The following TMEM135 variants were observed in gnomAD, a reference collection of about 807,000 sequenced individuals.
TMEM135 encodes the protein peroxisomal membrane protein 52.
In TMEM135, 30 loss-of-function variants were observed where a neutral mutation model predicts 60.3. That is an observed-to-expected ratio of 0.50 (90% CI 0.37 to 0.68). The LOEUF (loss-of-function observed/expected upper bound fraction) is 0.68. TMEM135 is among the 30% of genes least tolerant of loss of function. The pLI, the probability that TMEM135 is intolerant of heterozygous loss-of-function variation, is 0.00. For synonymous variants in TMEM135, 190 were observed against 186.7 expected (o/e 1.02, Z -0.14); for missense variants, 468 against 548.8 (o/e 0.85, Z 1.47).
At chr11:87,244,761 C>G (rs1941220673) in intron 6 of TMEM135, among the ~76,000 whole-genome samples, 1 of 148,204 alleles carries the variant, frequency 6.7e-6, no homozygotes. Flanking sequence ...ATTAGTCTTG[C>G]TAGCGGTCTA....
chr11:87,167,262 T>A (rs1156394366), intron 5 of TMEM135, among the ~76,000 whole-genome samples: 3 of 152,184 alleles, frequency 2.0e-5, no homozygotes, highest in Non-Finnish European at 4.4e-5. Flanking sequence ...CAGAGATAAT[T>A]TGACTTCCTC....
At chr11:87,116,626 CACATACACACACACACACACAG>C (rs1452979674) in intron 4 of TMEM135, among the ~76,000 whole-genome samples, 4 of 96,216 alleles carry the variant, frequency 4.2e-5, no homozygotes, top group Non-Finnish European at 9.3e-5. Context: ...CACACACACA[CACATACACACACACACACACAG>C]ACACACACAT....
intron 5 of TMEM135, among the ~76,000 whole-genome samples, chr11:87,166,813 T>C (rs1382760872): frequency 6.6e-6 from 1 of 151,918 alleles, no homozygotes; most frequent in Non-Finnish European, 1.5e-5. Flanking sequence ...CATATGAAAT[T>C]TAAAGTAGTT....
intron 5 of TMEM135, among the ~76,000 whole-genome samples, chr11:87,180,226 G>C (rs580003): frequency 1.3e-5 from 2 of 151,954 alleles, no homozygotes; most frequent in Non-Finnish European, 1.5e-5. Context: ...TAGTGGTGGT[G>C]GCAATGGCAA....
At chr11:87,068,244 T>G (rs1462544330) in intron 2 of TMEM135, among the ~76,000 whole-genome samples, 1 of 152,204 alleles carries the variant, frequency 6.6e-6, no homozygotes, top group Non-Finnish European at 1.5e-5. Flanking sequence ...GTAAGTTAAC[T>G]CCTGGTATAT....
chr11:87,212,840 AAAG>A (rs1940406628), intron 5 of TMEM135, among the ~76,000 whole-genome samples: 2 of 148,880 alleles, frequency 1.3e-5, no homozygotes, highest in Admixed American at 6.7e-5. Flanking sequence ...AAAAAAAAAA[AAAG>A]AATACAAATA....
intron 2 of TMEM135, 47 bp downstream of exon 2, chr11:87,067,868 G>T (rs757213354): frequency 6.2e-7 from 1 of 1,606,338 alleles, no homozygotes; most frequent in Non-Finnish European, 8.5e-7. Context: ...TTCTTCTATT[G>T]AAATGGAAAC....
intron 4 of TMEM135, among the ~76,000 whole-genome samples, chr11:87,107,656 G>T (rs957295849): frequency 1.3e-5 from 2 of 152,022 alleles, no homozygotes; most frequent in African/African-American, 4.8e-5. Flanking sequence ...CTTAATCCAG[G>T]CTATCATTAA....
intron 6 of TMEM135, among the ~76,000 whole-genome samples, chr11:87,238,484 C>T (rs1461234996): frequency 6.6e-6 from 1 of 151,982 alleles, no homozygotes; most frequent in Non-Finnish European, 1.5e-5. Context: ...GATTTTGTAT[C>T]AGTCATTAAT....
At chr11:87,069,966 G>A (rs1398619350) in intron 2 of TMEM135, among the ~76,000 whole-genome samples, 1 of 151,474 alleles carries the variant, frequency 6.6e-6, no homozygotes, top group African/African-American at 2.4e-5. Flanking sequence ...GAGGCTGTCA[G>A]TTCGAGGCCA....
intron 6 of TMEM135, among the ~76,000 whole-genome samples, chr11:87,262,808 G>C (rs1258602038): frequency 6.6e-6 from 1 of 150,980 alleles, no homozygotes; most frequent in African/African-American, 2.4e-5. Context: ...GCAGTAGCAT[G>C]AGATTTGTTT....
chr11:87,082,691 T>C (rs1473800524), intron 3 of TMEM135, among the ~76,000 whole-genome samples: 3 of 152,222 alleles, frequency 2.0e-5, no homozygotes, highest in African/African-American at 7.2e-5. Context: ...AGATTGAACG[T>C]TTAGAAGCAG....
chr11:87,195,606 C>T (rs545790942), intron 5 of TMEM135, among the ~76,000 whole-genome samples: 13 of 152,112 alleles, frequency 8.5e-5, no homozygotes, highest in African/African-American at 2.9e-4. Flanking sequence ...GACGGGGTTT[C>T]TCCATGTTGG....
intron 4 of TMEM135, among the ~76,000 whole-genome samples, chr11:87,117,786 A>G (rs1857929695): frequency 2.0e-5 from 3 of 152,166 alleles, no homozygotes; most frequent in South Asian, 2.1e-4. Context: ...ACCACCTCCC[A>G]TGAATCACAA....
intron 6 of TMEM135, among the ~76,000 whole-genome samples, chr11:87,245,419 A>T (rs201767611): frequency 0.39 from 25,348 of 65,358 alleles, 6,361 homozygotes; most frequent in Middle Eastern, 0.48. Context: ...TAACTTTCTG[A>T]CTCGCTGATC....
chr11:87,285,824 CAGCTGATTGGTCCATTTTATAGAG>C (rs1565156741), intron 6 of TMEM135, among the ~76,000 whole-genome samples: 1 of 152,134 alleles, frequency 6.6e-6, no homozygotes, highest in Non-Finnish European at 1.5e-5. Flanking sequence ...ATTTTACAGA[CAGCTGATTGGTCCATTTTATAGAG>C]AGCTGATTGG....
chr11:87,324,779 T>C lies in TMEM135; in HGVS notation c.*3446T>C. 1 of 453,936 alleles carries C rather than the reference T, an allele frequency of 2.2e-6. No individual in the cohort carries two copies. The highest frequency in any genetic ancestry group is 1.6e-5 in the South Asian group (1 of 64,468). 28.1% of individuals were successfully genotyped at this position (453,936 alleles called of 1,614,324 possible). A position where few individuals can be genotyped will look rare whatever the true frequency, so the allele number is the denominator to read the frequency against. The stretch of plus-strand genomic sequence containing the variant: ...AAGTAGTTTGACACAGCAACAAAGT[T>C]GTCCTTTGTTTCCCAAAGGCAAAAG... On this transcript the variant is annotated 3_prime_UTR_variant, in exon 15 of 15. Transcript: ENST00000305494.
At chr11:87,189,758 GA>G (rs796303818) in intron 5 of TMEM135, among the ~76,000 whole-genome samples, 159 of 115,526 alleles carry the variant, frequency 1.4e-3, no homozygotes, top group African/African-American at 1.5e-3. Context: ...CGTCTCCACA[GA>G]AAAAAAAAAA....
At chr11:87,074,565 C>A (rs1385382889) in intron 3 of TMEM135, among the ~76,000 whole-genome samples, 1 of 152,114 alleles carries the variant, frequency 6.6e-6, no homozygotes, top group Admixed American at 6.5e-5. Context: ...CAGTTATGTA[C>A]CTACTTTTCA....
Sources: gnomAD v4.1 joint callset for allele counts (sites outside exome capture counted in the v4.1 genomes callset) on GRCh38, gnomAD v4.1.1 for gene constraint, MANE v1.5 for transcripts, NCBI Gene and HGNC (gene_info 2026-07-23, HGNC 2026-07-21) for gene names.